GSK3B: variants seen among roughly 807,000 people sequenced by gnomAD.
GSK3B encodes glycogen synthase kinase 3 beta, also known as glycogen synthase kinase-3 beta.
Under a neutral mutation model 56.4 loss-of-function variants are expected in GSK3B, and 15 were observed. The ratio of observed to expected loss-of-function variants is 0.27; its 90% CI spans 0.18 to 0.41. GSK3B has a LOEUF of 0.41. Ranked by LOEUF, GSK3B falls within the 10% of genes least tolerant of loss-of-function variation. The probability of loss-of-function intolerance (pLI) is 1.00; values close to 1 mark genes in which losing one functional copy is unlikely to be tolerated. For missense variants in GSK3B, 300 were observed against 513.4 expected (o/e 0.58, Z 4.02); for synonymous variants, 181 against 188.9 (o/e 0.96, Z 0.34).
At chr3:119,848,747 T>C (rs1009920733) in intron 9 of GSK3B, among the ~76,000 whole-genome samples, 1 of 152,160 alleles carries the variant, frequency 6.6e-6, no homozygotes, top group African/African-American at 2.4e-5. Flanking sequence ...CTAAATGATA[T>C]CAGATTGTGG....
intron 1 of GSK3B, chr3:120,041,652 A>G (rs2058065644): frequency 1.3e-5 from 2 of 152,402 alleles, no homozygotes; most frequent in Admixed American, 1.3e-4. Flanking sequence ...TTTCTTAACA[A>G]GAGTTCTAAA....
chr3:119,852,821 T>TA (rs1361686463), intron 9 of GSK3B, among the ~76,000 whole-genome samples: 1 of 152,228 alleles, frequency 6.6e-6, no homozygotes, highest in Non-Finnish European at 1.5e-5. Context: ...TTCTGGATAT[T>TA]AGCCCTTTGT....
At chr3:120,089,244 T>A (rs1276205264) in intron 1 of GSK3B, among the ~76,000 whole-genome samples, 1 of 152,226 alleles carries the variant, frequency 6.6e-6, no homozygotes, top group Non-Finnish European at 1.5e-5. Context: ...TGTGACTTAC[T>A]GTCACTTCAC....
At chr3:120,089,939 A>C (rs1421785689) in intron 1 of GSK3B, among the ~76,000 whole-genome samples, 1 of 152,140 alleles carries the variant, frequency 6.6e-6, no homozygotes, top group Non-Finnish European at 1.5e-5. Context: ...CCTAAACTCA[A>C]CAAAAAGGGC....
chr3:120,082,692 C>T (rs1468507873), intron 1 of GSK3B, among the ~76,000 whole-genome samples: 1 of 151,844 alleles, frequency 6.6e-6, no homozygotes, highest in Non-Finnish European at 1.5e-5. Flanking sequence ...CCGCGCCCGG[C>T]CCCCAAATTA....
intron 1 of GSK3B, among the ~76,000 whole-genome samples, chr3:120,011,446 T>A (rs1189551255): frequency 1.3e-5 from 2 of 152,056 alleles, no homozygotes; most frequent in African/African-American, 2.4e-5. Context: ...GGAAAAAGCA[T>A]CAAATAAGAC....
intron 9 of GSK3B, among the ~76,000 whole-genome samples, chr3:119,860,066 T>C (rs779874843): frequency 6.6e-6 from 1 of 152,202 alleles, no homozygotes; most frequent in Non-Finnish European, 1.5e-5. Context: ...CTAAATAACT[T>C]CAATTGGTAA....
chr3:119,863,656 T>A, intron 8 of GSK3B, 51 bp from the exon 9 acceptor site: 1 of 1,128,564 alleles, frequency 8.9e-7, no homozygotes, highest in South Asian at 1.3e-5. Flanking sequence ...TTTAAGAATC[T>A]AAGCAAATAC....
chr3:119,988,229 A>G (rs2057534160), intron 2 of GSK3B, among the ~76,000 whole-genome samples: 1 of 152,218 alleles, frequency 6.6e-6, no homozygotes, highest in South Asian at 2.1e-4. Flanking sequence ...ACAGGAGACC[A>G]ATCTTTTTAA....
At chr3:119,895,171 G>A (rs1366654027) in intron 7 of GSK3B, among the ~76,000 whole-genome samples, 1 of 152,056 alleles carries the variant, frequency 6.6e-6, no homozygotes, top group Non-Finnish European at 1.5e-5. Flanking sequence ...GTAAGACCAT[G>A]CAATATTTCT....
At chr3:119,960,151 C>CAAAAAAAAAAA (rs574956694) in intron 2 of GSK3B, among the ~76,000 whole-genome samples, 7 of 74,628 alleles carry the variant, frequency 9.4e-5, no homozygotes, top group Admixed American at 1.8e-4. Context: ...TATGCTGAGA[C>CAAAAAAAAAAA]AAAAAAAAAA....
rs1241710809 is a variant in GSK3B, at chr3:120,049,522, A to G, written c.88+43825T>C. 3.3e-5 allele frequency among the ~76,000 whole-genome samples: 5 copies of G among 152,236 alleles called. No homozygotes were observed. In the East Asian group the frequency reaches 9.6e-4, roughly 29 times the overall value. The stretch of plus-strand genomic sequence containing the variant: ...GTTGACGAGAAAGAGAAGAGAGAAC[A>G]TTTAAGGCAGAGGTAAAAGCATATA... On this transcript the variant is annotated intron_variant, in intron 1 of 10. Transcript: ENST00000264235.
intron 1 of GSK3B, among the ~76,000 whole-genome samples, chr3:120,043,266 T>TCATG (rs1303045438): frequency 3.3e-5 from 5 of 151,934 alleles, no homozygotes; most frequent in Admixed American, 2.6e-4. Context: ...ACCTCCAGAG[T>TCATG]CATGGGCCAT....
intron 1 of GSK3B, among the ~76,000 whole-genome samples, chr3:120,016,169 C>G (rs1430187239): frequency 1.3e-5 from 2 of 152,206 alleles, no homozygotes; most frequent in Non-Finnish European, 2.9e-5. Flanking sequence ...GCAAGCACCA[C>G]TCACAGTGGG....
chr3:119,839,605 A>T (rs1365264482), intron 10 of GSK3B, among the ~76,000 whole-genome samples: 2 of 152,208 alleles, frequency 1.3e-5, no homozygotes, highest in African/African-American at 4.8e-5. Flanking sequence ...ATCAGATGAT[A>T]ATTCAGTTAT....
intron 2 of GSK3B, among the ~76,000 whole-genome samples, chr3:119,970,756 C>A (rs2057358381): frequency 6.6e-6 from 1 of 151,834 alleles, no homozygotes. Flanking sequence ...CACTGCACTC[C>A]AGCCCGGGCG....
At chr3:120,047,693 G>T (rs971407807) in intron 1 of GSK3B, among the ~76,000 whole-genome samples, 1 of 152,160 alleles carries the variant, frequency 6.6e-6, no homozygotes, top group African/African-American at 2.4e-5. Context: ...ACAGAATGAT[G>T]AGCAAAACCA....
Position 119,863,268 on chromosome 3 carries a change from CCAGT to C in GSK3B, c.1096+147_1096+150del, listed in dbSNP as rs545573898. The C allele has an allele frequency of 1.9e-4, 121 of 648,440 alleles. 1 individual carries two copies. Among genetic ancestry groups the C allele is most frequent in the African/African-American group, 1.5e-3 (83 of 55,528 alleles). 40.2% of individuals were successfully genotyped at this position (648,440 alleles called of 1,614,324 possible). On this transcript the variant is annotated intron_variant, in intron 9 of 10. Coordinates refer to ENST00000264235, the MANE Select transcript of GSK3B (RefSeq NM_001146156.2). ...CTGTTCAAAACCATGTAAGTAGTGG[CCAGT>C]AAGTTAGAAAGGATGCTCTTTTCAC...
chr3:120,091,067 C>T (rs1222133517), intron 1 of GSK3B, among the ~76,000 whole-genome samples: 1 of 152,108 alleles, frequency 6.6e-6, no homozygotes, highest in African/African-American at 2.4e-5. Context: ...CTTTCCTCTC[C>T]CAACCATCAG....
Sources: gnomAD v4.1 joint callset for allele counts (sites outside exome capture counted in the v4.1 genomes callset) on GRCh38, gnomAD v4.1.1 for gene constraint, MANE v1.5 for transcripts, NCBI Gene and HGNC (gene_info 2026-07-23, HGNC 2026-07-21) for gene names.